Variants in NALCN observed in about 807,000 individuals in gnomAD.
The protein encoded by NALCN is sodium leak channel, non-selective.
A neutral mutation model predicts 225.3 loss-of-function variants in NALCN; 111 were observed. That is an observed-to-expected ratio of 0.49 (90% CI 0.42 to 0.58). NALCN has a LOEUF of 0.58. Ranked by LOEUF, NALCN falls within the 20% of genes least tolerant of loss-of-function variation. The pLI, the probability that NALCN is intolerant of heterozygous loss-of-function variation, is 0.00. For missense variants in NALCN, 1,378 were observed against 2,202.4 expected, an observed-to-expected ratio of 0.63 and a Z score of 7.49; for synonymous variants, 764 against 769.0, an observed-to-expected ratio of 0.99 and a Z score of 0.11.
intron 28 of NALCN, among the ~76,000 whole-genome samples, chr13:101,094,238 C>A (rs1455507237): frequency 6.6e-6 from 1 of 152,268 alleles, no homozygotes; most frequent in East Asian, 1.9e-4. Context: ...TCTCCAGGAA[C>A]ACCAGATAAC....
At chr13:101,239,123 G>T (rs1392586207) in intron 11 of NALCN, among the ~76,000 whole-genome samples, 2 of 151,922 alleles carry the variant, frequency 1.3e-5, no homozygotes, top group Non-Finnish European at 2.9e-5. Context: ...TCATGTTAAT[G>T]TCATGTATAT....
intron 28 of NALCN, among the ~76,000 whole-genome samples, 170 bp from the exon 29 acceptor site, chr13:101,090,136 A>G (rs2034151715): frequency 6.6e-6 from 1 of 152,144 alleles, no homozygotes; most frequent in Non-Finnish European, 1.5e-5. Flanking sequence ...ATATGTGTGT[A>G]TATGTATACA....
intron 15 of NALCN, among the ~76,000 whole-genome samples, chr13:101,160,842 T>A (rs1183240187): frequency 1.3e-5 from 2 of 152,206 alleles, no homozygotes; most frequent in African/African-American, 4.8e-5. Flanking sequence ...GGAATCATAT[T>A]GATTAGCTGG....
chr13:101,167,046 G>A (rs1196921614), intron 15 of NALCN, among the ~76,000 whole-genome samples: 1 of 152,122 alleles, frequency 6.6e-6, no homozygotes. Flanking sequence ...TTTACTTGTG[G>A]CCTCTCTATT....
intron 7 of NALCN, among the ~76,000 whole-genome samples, chr13:101,337,562 C>A (rs1036476646): frequency 2.0e-5 from 3 of 152,162 alleles, no homozygotes; most frequent in Non-Finnish European, 4.4e-5. Context: ...CCTGCCTCAG[C>A]CTCCCAAAGT....
At chr13:101,233,600 A>G (rs1283485998) in intron 12 of NALCN, among the ~76,000 whole-genome samples, 2 of 152,102 alleles carry the variant, frequency 1.3e-5, no homozygotes, top group Non-Finnish European at 2.9e-5. Flanking sequence ...TCGGCCTCCC[A>G]AAGTGCTGGG....
chr13:101,405,260 C>T (rs1350856704), intron 1 of NALCN, among the ~76,000 whole-genome samples: 3 of 152,160 alleles, frequency 2.0e-5, no homozygotes, highest in Non-Finnish European at 4.4e-5. Context: ...GTCAATTTTG[C>T]TTGCTAAGTT....
At chr13:101,259,747 TATATACACACACACATAA>T (rs1235949381) in intron 10 of NALCN, among the ~76,000 whole-genome samples, 5 of 71,666 alleles carry the variant, frequency 7.0e-5, no homozygotes, top group East Asian at 1.6e-3. Flanking sequence ...TATATATATA[TATATACACACACACATAA>T]ATATATATAT....
chr13:101,220,519 G>C (rs1378779834), intron 13 of NALCN, among the ~76,000 whole-genome samples: 1 of 151,998 alleles, frequency 6.6e-6, no homozygotes, highest in Non-Finnish European at 1.5e-5. Context: ...ACTCTTCATG[G>C]ATTTCACCTT....
chr13:101,291,887 A>G (rs752154879), intron 9 of NALCN, 103 bp downstream of exon 9: 93 of 1,128,984 alleles, frequency 8.2e-5, no homozygotes, highest in Admixed American at 2.5e-4. Context: ...GAGTCAGACT[A>G]TAGAAGCCCA....
At chr13:101,352,000 A>G (rs2045920614) in intron 6 of NALCN, among the ~76,000 whole-genome samples, 1 of 152,164 alleles carries the variant, frequency 6.6e-6, no homozygotes, top group African/African-American at 2.4e-5. Context: ...GCTTATGATG[A>G]CTTAGCCTCT....
intron 13 of NALCN, among the ~76,000 whole-genome samples, chr13:101,213,387 G>A (rs934339185): frequency 6.6e-6 from 1 of 152,168 alleles, no homozygotes; most frequent in African/African-American, 2.4e-5. Context: ...ATAGGCATGG[G>A]CAAGGACTTC....
chr13:101,185,245 T>C (rs147438134), intron 14 of NALCN, among the ~76,000 whole-genome samples: 1 of 152,320 alleles, frequency 6.6e-6, no homozygotes, highest in Non-Finnish European at 1.5e-5. Flanking sequence ...AGTTATTTAA[T>C]TTACACTTTG....
At chr13:101,312,726 C>T (rs2044393565) in intron 7 of NALCN, among the ~76,000 whole-genome samples, 1 of 152,126 alleles carries the variant, frequency 6.6e-6, no homozygotes, top group Non-Finnish European at 1.5e-5. Flanking sequence ...GTCTGAGAGA[C>T]AGTTTGTTAT....
intron 11 of NALCN, among the ~76,000 whole-genome samples, chr13:101,255,472 A>C (rs2042201293): frequency 1.3e-5 from 2 of 152,210 alleles, no homozygotes; most frequent in African/African-American, 4.8e-5. Context: ...TCACAAAAGC[A>C]ATGTTACTGT....
chr13:101,269,211 C>CATATATATATATATATATATATATAT (rs60240326), intron 10 of NALCN, among the ~76,000 whole-genome samples: 20 of 145,552 alleles, frequency 1.4e-4, no homozygotes, highest in Admixed American at 2.8e-4. Context: ...AGAAAAAGCT[C>CATATATATATATATATATATATATAT]ATATATATAT....
chr13:101,069,469 C>T (rs1165262110), intron 37 of NALCN, among the ~76,000 whole-genome samples: 5 of 152,192 alleles, frequency 3.3e-5, no homozygotes, highest in African/African-American at 1.2e-4. Context: ...GAGTTGTAAT[C>T]TTCTGCTGGT....
At chr13:101,137,360 G>A (rs192618361) in intron 17 of NALCN, among the ~76,000 whole-genome samples, 101 of 151,450 alleles carry the variant, frequency 6.7e-4, no homozygotes, top group Admixed American at 3.6e-3. Context: ...GTGTTCGTTC[G>A]TTCATTTGTT....
intron 7 of NALCN, among the ~76,000 whole-genome samples, chr13:101,335,435 AC>A (rs1292194149): frequency 2.6e-5 from 4 of 152,030 alleles, no homozygotes; most frequent in Non-Finnish European, 5.9e-5. Flanking sequence ...CAAGGATAAA[AC>A]TCCTTGCATT....
Sources: gnomAD v4.1 joint callset for allele counts (sites outside exome capture counted in the v4.1 genomes callset) on GRCh38, gnomAD v4.1.1 for gene constraint, MANE v1.5 for transcripts, NCBI Gene and HGNC (gene_info 2026-07-23, HGNC 2026-07-21) for gene names.